The following ELF2 variants were observed in gnomAD, a reference collection of about 807,000 sequenced individuals.
ELF2 encodes ETS-related transcription factor Elf-2.
A neutral mutation model predicts 54.8 loss-of-function variants in ELF2; 11 were observed. That is an observed-to-expected ratio of 0.20 (90% CI 0.13 to 0.33). The LOEUF is 0.33. Ranked by LOEUF, ELF2 falls within the 10% of genes least tolerant of loss-of-function variation. The pLI is 1.00. For synonymous variants in ELF2, 203 were observed against 245.1 expected (o/e 0.83, Z 1.61); for missense variants, 513 against 703.0 (o/e 0.73, Z 3.06).
chr4:139,072,525 T>C (rs1729661411), intron 5 of ELF2, among the ~76,000 whole-genome samples: 1 of 152,232 alleles, frequency 6.6e-6, no homozygotes, highest in Non-Finnish European at 1.5e-5. Flanking sequence ...TTTTAGAATA[T>C]GAAAAGGAAA....
chr4:139,107,607 C>T (rs1419783247), intron 4 of ELF2, among the ~76,000 whole-genome samples: 1 of 152,016 alleles, frequency 6.6e-6, no homozygotes, highest in Non-Finnish European at 1.5e-5. Flanking sequence ...GACAGAGAGG[C>T]ATCTTTACCA....
intron 4 of ELF2, among the ~76,000 whole-genome samples, chr4:139,113,871 T>A (rs1158019652): frequency 1.3e-5 from 2 of 150,642 alleles, no homozygotes; most frequent in Non-Finnish European, 3.0e-5. Flanking sequence ...AAAAAAAAAT[T>A]AAAAGTAAAT....
At chr4:139,079,176 T>G (rs549764761) in intron 4 of ELF2, among the ~76,000 whole-genome samples, 15 of 152,260 alleles carry the variant, frequency 9.9e-5, no homozygotes, top group African/African-American at 3.6e-4. Flanking sequence ...GAGATCCTCC[T>G]GCCTTGGCCT....
intron 3 of ELF2, chr4:139,137,424 T>G: frequency 5.0e-6 from 3 of 598,824 alleles, no homozygotes; most frequent in East Asian, 2.8e-5. Context: ...TTCTAATATA[T>G]GTATGTTCCA....
At chr4:139,114,597 A>ACAC (rs1370544863) in intron 4 of ELF2, among the ~76,000 whole-genome samples, 2 of 145,754 alleles carry the variant, frequency 1.4e-5, no homozygotes, top group Admixed American at 6.9e-5. Flanking sequence ...ACACACACAC[A>ACAC]ATTTAGGAGC....
chr4:139,114,974 T>C, intron 4 of ELF2: 2 of 1,613,732 alleles, frequency 1.2e-6, no homozygotes, highest in Admixed American at 3.3e-5. Context: ...CCCCGGATCT[T>C]GTCCAGCAGA....
intron 4 of ELF2, among the ~76,000 whole-genome samples, chr4:139,106,366 A>T (rs1305688200): frequency 6.6e-6 from 1 of 152,188 alleles, no homozygotes; most frequent in Non-Finnish European, 1.5e-5. Flanking sequence ...AGGGCAGAAC[A>T]TAGAGGAAGA....
intron 6 of ELF2, among the ~76,000 whole-genome samples, chr4:139,069,289 CATCTTAACATCTGTATTTCAAA>C (rs1313986589): frequency 6.6e-6 from 1 of 152,146 alleles, no homozygotes; most frequent in African/African-American, 2.4e-5. Flanking sequence ...CTAATTAAAG[CATCTTAACATCTGTATTTCAAA>C]ATGCACAGAT....
At chr4:139,165,576 C>T (rs2148908334) in intron 1 of ELF2, among the ~76,000 whole-genome samples, 1 of 152,068 alleles carries the variant, frequency 6.6e-6, no homozygotes, top group South Asian at 2.1e-4. Context: ...GGCAGGAGAA[C>T]CACTTGAATC....
At chr4:139,114,561 T>TCCAGTCC (rs70940492) in intron 4 of ELF2, among the ~76,000 whole-genome samples, 1 of 108,636 alleles carries the variant, frequency 9.2e-6, no homozygotes, top group Non-Finnish European at 1.8e-5. Flanking sequence ...GACTTCAGTC[T>TCCAGTCC]CACACACACA....
chr4:139,075,498 T>C (rs1178435831), intron 4 of ELF2, among the ~76,000 whole-genome samples: 1 of 152,294 alleles, frequency 6.6e-6, no homozygotes, highest in Middle Eastern at 3.4e-3. Flanking sequence ...TGGCATGATC[T>C]AGCTCACTGC....
rs1729559356 is a variant in ELF2 at position 139,071,868 on chromosome 4, T to C, written c.524A>G (p.Lys175Arg). 1.3e-6 allele frequency: 2 copies of C among 1,582,394 alleles called. No homozygotes were observed. Among genetic ancestry groups the C allele is most frequent in the East Asian group, 2.2e-5 (1 of 44,642 alleles). ...AGAAATGTATAAATATACTCTACCT[T>C]TTTTCTTTTTCATTGGTTCATGGCT... ...PDSHEPMKKK[K>R]VGRKPKTQQS... is the part of the protein sequence containing the mutation. The change falls in exon 6 of 10, where the codon AAA (lysine) becomes AGA (arginine). Residue 175 changes from lysine (K) to arginine (R), a missense_variant and splice_region_variant. Lys to Arg is a conservative substitution (Grantham distance 26, BLOSUM62 2). This residue lies in a region of ELF2 where 203 missense variants were observed against 245.9 expected (regional missense o/e 0.83). Coordinates refer to ENST00000686138, the MANE Select transcript of ELF2 (RefSeq NM_001331036.3).
chr4:139,089,106 G>A (rs1307773850), intron 4 of ELF2, among the ~76,000 whole-genome samples: 1 of 152,164 alleles, frequency 6.6e-6, no homozygotes, highest in Non-Finnish European at 1.5e-5. Flanking sequence ...AGCATATCAA[G>A]TCTTGATTTA....
intron 1 of ELF2, among the ~76,000 whole-genome samples, chr4:139,168,929 A>G (rs532153020): frequency 2.6e-4 from 39 of 152,216 alleles, no homozygotes; most frequent in African/African-American, 9.4e-4. Context: ...AAATTGAGTC[A>G]TTTGTGTTAA....
chr4:139,115,365 T>G, intron 4 of ELF2: 2 of 1,125,608 alleles, frequency 1.8e-6, no homozygotes, highest in Non-Finnish European at 2.2e-6. Context: ...GCGGTGCCGC[T>G]GTCCGCCATG....
At chr4:139,148,415 G>A (rs1352748521) in intron 1 of ELF2, among the ~76,000 whole-genome samples, 7 of 145,988 alleles carry the variant, frequency 4.8e-5, no homozygotes, top group Non-Finnish European at 1.0e-4. Flanking sequence ...GAACACCTGG[G>A]CTCCTCCTGC....
chr4:139,109,162 C>A (rs1453113355), intron 4 of ELF2, among the ~76,000 whole-genome samples: 1 of 151,716 alleles, frequency 6.6e-6, no homozygotes, highest in Admixed American at 6.6e-5. Flanking sequence ...TCAATAATTT[C>A]AAAAAGTAAA....
chr4:139,169,084 A>T (rs1047317050), intron 1 of ELF2, among the ~76,000 whole-genome samples: 1 of 152,068 alleles, frequency 6.6e-6, no homozygotes, highest in Non-Finnish European at 1.5e-5. Context: ...CAGGCAGATC[A>T]CGCTTGTAAT....
At chr4:139,108,219 C>T (rs558355835) in intron 4 of ELF2, among the ~76,000 whole-genome samples, 1 of 152,276 alleles carries the variant, frequency 6.6e-6, no homozygotes, top group Non-Finnish European at 1.5e-5. Flanking sequence ...CCATGCTTAA[C>T]ACTGGGAATA....
Sources: gnomAD v4.1 joint callset for allele counts (sites outside exome capture counted in the v4.1 genomes callset) on GRCh38, gnomAD v4.1.1 for gene constraint, gnomAD v4.1.1 regional missense constraint, MANE v1.5 for transcripts, NCBI Gene and HGNC (gene_info 2026-07-23, HGNC 2026-07-21) for gene names.